PTPN3: variants seen among roughly 807,000 people sequenced by gnomAD.
PTPN3 encodes the protein protein tyrosine phosphatase non-receptor type 3.
A neutral mutation model predicts 132.7 loss-of-function variants in PTPN3; 96 were observed. The ratio of observed to expected loss-of-function variants is 0.72; its 90% CI spans 0.61 to 0.86. PTPN3 has a LOEUF of 0.86. PTPN3 is among the 40% of genes least tolerant of loss of function. The pLI is 0.00. For missense variants in PTPN3, 1,125 were observed against 1,159.6 expected, an observed-to-expected ratio of 0.97 and a Z score of 0.43; for synonymous variants, 398 against 429.0, an observed-to-expected ratio of 0.93 and a Z score of 0.89.
rs767921182 is a variant in PTPN3, at chr9:109,426,983, T to C, written c.968A>G (p.Gln323Arg). ...GTTCCGAGAGCCCATAGTCCAGTAC[T>C]GAGACAGAACATTCTTTTCCTGAGG... ...LLPQEKNVLS[Q>R]YWTMGSRNTK... Residue 323 changes from glutamine to arginine, a missense_variant, in exon 12 of 26, where the codon CAG becomes CGG. Physicochemically the swap from Gln to Arg is conservative, Grantham distance 43 (BLOSUM62 1). Coordinates refer to ENST00000374541, the MANE Select transcript of PTPN3 (RefSeq NM_002829.4). 2 of 1,613,902 alleles carry C rather than the reference T, an allele frequency of 1.2e-6. No individual in the cohort carries two copies. Among genetic ancestry groups the C allele is most frequent in the Non-Finnish European group, 1.7e-6 (2 of 1,179,738 alleles).
At chr9:109,432,604 T>G (rs1843743821) in intron 10 of PTPN3, among the ~76,000 whole-genome samples, 1 of 152,208 alleles carries the variant, frequency 6.6e-6, no homozygotes, top group Admixed American at 6.5e-5. Context: ...ACAGGTCTCT[T>G]CCCACCAGGC....
At chr9:109,423,307 T>C (rs1032531329) in intron 12 of PTPN3, among the ~76,000 whole-genome samples, 1 of 152,214 alleles carries the variant, frequency 6.6e-6, no homozygotes, top group African/African-American at 2.4e-5. Context: ...GAAAATGCGC[T>C]TAGAAAGTAG....
At chr9:109,502,657 G>A (rs561813118), upstream of PTPN3, among the ~76,000 whole-genome samples, 4 of 152,272 alleles carry the variant, frequency 2.6e-5, no homozygotes, top group South Asian at 8.3e-4. Context: ...TTAGCTGGAT[G>A]TGGTGGCACC....
At chr9:109,436,382 T>C (rs1844053041) in intron 9 of PTPN3, among the ~76,000 whole-genome samples, 2 of 152,200 alleles carry the variant, frequency 1.3e-5, no homozygotes, top group Admixed American at 1.3e-4. Flanking sequence ...TGCATAGAAA[T>C]TGCTTGACAG....
chr9:109,390,529 A>T (rs1424839756), intron 21 of PTPN3, among the ~76,000 whole-genome samples: 2 of 152,216 alleles, frequency 1.3e-5, no homozygotes, highest in African/African-American at 2.4e-5. Flanking sequence ...GCAGCATACC[A>T]GCATGGCACA....
At chr9:109,430,055 T>C (rs1843549057) in intron 10 of PTPN3, among the ~76,000 whole-genome samples, 1 of 152,188 alleles carries the variant, frequency 6.6e-6, no homozygotes. Flanking sequence ...GATGTAACTG[T>C]GAAGTAAATT....
intron 13 of PTPN3, 69 bp from the exon 14 acceptor site, chr9:109,420,669 AGTGAACCT>A: frequency 4.0e-6 from 6 of 1,482,688 alleles, no homozygotes; most frequent in Non-Finnish European, 3.7e-6. Context: ...ATTAGACACC[AGTGAACCT>A]CGTGTCCTGA....
At chr9:109,462,819 T>C (rs13291305) in intron 2 of PTPN3, among the ~76,000 whole-genome samples, 93,173 of 151,830 alleles carry the variant, frequency 0.61, 28,855 homozygotes, top group African/African-American at 0.68. Flanking sequence ...TGTGCCCAGC[T>C]TTGTGCCAGG....
Position 109,420,521 on chromosome 9 carries a change from T to G in PTPN3, c.1216A>C (p.Ile406Leu). The G allele has an allele frequency of 1.2e-6, 2 of 1,613,458 alleles. No individual in the cohort carries two copies. The highest frequency in any genetic ancestry group is 1.1e-5 in the South Asian group (1 of 91,048). ...TAAAATACATCTTCCGTTTCCGTGATGTAGGTCATTTCATTTGCAAGGTTA... is the reference window on the plus strand; with the variant it reads ...TAAAATACATCTTCCGTTTCCGTGAGGTAGGTCATTTCATTTGCAAGGTTA... ...ADNLANEMTYITETEDVFYTY... is the reference protein window; with the variant it reads ...ADNLANEMTYLTETEDVFYTY... Residue 406 changes from isoleucine to leucine, a missense_variant, in exon 14 of 26, where the codon ATC becomes CTC. By Grantham distance (5) the Ile-to-Leu change is conservative. Coordinates refer to ENST00000374541, the MANE Select transcript of PTPN3 (RefSeq NM_002829.4).
intron 5 of PTPN3, among the ~76,000 whole-genome samples, chr9:109,452,182 C>T (rs996994557): frequency 6.7e-6 from 1 of 148,178 alleles, no homozygotes; most frequent in Non-Finnish European, 1.5e-5. Flanking sequence ...GCAGGAGAAT[C>T]GCTTGAACCC....
At position 109,377,395 on chromosome 9, in the gene PTPN3, T is replaced by TACACACACACACACACACACACAC. The variant is rs55719272; in HGVS notation, c.*2137_*2160dup. 4.7e-5 allele frequency: 5 copies of TACACACACACACACACACACACAC among 106,816 alleles called. No homozygotes were observed. Among genetic ancestry groups the TACACACACACACACACACACACAC allele is most frequent in the Non-Finnish European group, 9.4e-5 (5 of 53,272 alleles). 6.6% of individuals were successfully genotyped at this position (106,816 alleles called of 1,614,324 possible). Reference sequence around the variant, plus strand: ...AGGCAACACATCAAGATCCTGTCTCTACACACACACACACACACACACACA... The same window carrying TACACACACACACACACACACACAC: ...AGGCAACACATCAAGATCCTGTCTCTACACACACACACACACACACACACACACACACACACACACACACACACA... On this transcript the variant is annotated 3_prime_UTR_variant, in exon 26 of 26. Transcript: ENST00000374541.
chr9:109,385,008 G>T (rs1459443037), intron 22 of PTPN3, among the ~76,000 whole-genome samples: 2 of 152,186 alleles, frequency 1.3e-5, no homozygotes, highest in Non-Finnish European at 2.9e-5. Context: ...TGCATAGGAA[G>T]GATAAATCCC....
At chr9:109,404,723 T>G (rs1414711053) in intron 18 of PTPN3, 115 bp from the exon 19 acceptor site, 44 of 1,171,728 alleles carry the variant, frequency 3.8e-5, no homozygotes, top group Non-Finnish European at 4.7e-5. Context: ...AACATCTTAT[T>G]AAATGATTAA....
intron 1 of PTPN3, among the ~76,000 whole-genome samples, chr9:109,482,205 G>A (rs1279461435): frequency 1.3e-4 from 20 of 152,186 alleles, no homozygotes; most frequent in Admixed American, 8.5e-4. Context: ...CTAGGAACCT[G>A]CTGTCAGGAT....
intron 1 of PTPN3, among the ~76,000 whole-genome samples, chr9:109,493,645 C>T (rs894815678): frequency 5.9e-5 from 9 of 152,220 alleles, no homozygotes; most frequent in Non-Finnish European, 1.3e-4. Context: ...AGCAGTGGCA[C>T]ACACATTCTT....
chr9:109,484,445 A>T (rs1541089), intron 1 of PTPN3, among the ~76,000 whole-genome samples: 1 of 152,136 alleles, frequency 6.6e-6, no homozygotes, highest in Non-Finnish European at 1.5e-5. Context: ...CACTGAGCAC[A>T]GCAGCCTGGC....
At chr9:109,436,857 A>C (rs1475136461) in intron 9 of PTPN3, 26 bp downstream of exon 9, 1 of 1,600,608 alleles carries the variant, frequency 6.2e-7, no homozygotes, top group Non-Finnish European at 8.5e-7. Context: ...ATAATGTTTG[A>C]GCCAAGACAT....
chr9:109,533,634 C>A, the PTPN3 span: 1 of 1,502,300 alleles, frequency 6.7e-7, no homozygotes, highest in Non-Finnish European at 9.2e-7. Context: ...CTCTGCCACA[C>A]TGATCTACCT....
At chr9:109,487,341 GC>G (rs984161681) in intron 1 of PTPN3, among the ~76,000 whole-genome samples, 1 of 152,188 alleles carries the variant, frequency 6.6e-6, no homozygotes, top group Non-Finnish European at 1.5e-5. Flanking sequence ...AGCAGGGAGG[GC>G]CCCCCTGGCC....
Sources: gnomAD v4.1 joint callset for allele counts (sites outside exome capture counted in the v4.1 genomes callset) on GRCh38, gnomAD v4.1.1 for gene constraint, MANE v1.5 for transcripts, NCBI Gene and HGNC (gene_info 2026-07-23, HGNC 2026-07-21) for gene names.